Variants in TKFC observed in about 807,000 individuals in gnomAD.
TKFC encodes triokinase and FMN cyclase, also known as triokinase/FMN cyclase.
TKFC carries 46 observed loss-of-function variants against 61.0 expected under a neutral mutation model. The observed-to-expected ratio is 0.75, with a 90% CI of 0.60 to 0.96. TKFC has a LOEUF of 0.96. Among genes scored for constraint, TKFC ranks in the 50% least tolerant of loss-of-function variants. The pLI is 0.00. For missense variants in TKFC, 715 were observed against 777.5 expected (o/e 0.92, Z 0.96); for synonymous variants, 314 against 330.1 (o/e 0.95, Z 0.53).
rs377180702 is a variant in TKFC, at chr11:61,343,906, A to G, written c.1033A>G (p.Thr345Ala). ...GCCTAACGTGGCTGCAGTCTCCATT[A>G]CTGGGCGGAAGCGGAGCCGGGTAGC... is the stretch of plus-strand genomic sequence containing the variant. ...AWPNVAAVSI[T>A]GRKRSRVAPA... Residue 345 changes from threonine to alanine, a missense_variant, in exon 12 of 18, where the codon ACT becomes GCT. Transcript: ENST00000394900. 73 of 1,611,088 alleles carry G rather than the reference A, an allele frequency of 4.5e-5. No individual in the cohort carries two copies. The highest frequency in any genetic ancestry group is 8.8e-5 in the South Asian group (8 of 91,080).
chr11:61,348,440 C>G lies in TKFC; in HGVS notation c.*1937C>G, dbSNP rs1430802900. On this transcript the variant is annotated 3_prime_UTR_variant, in exon 18 of 18. Coordinates refer to ENST00000394900, the MANE Select transcript of TKFC (RefSeq NM_015533.4). ...TGTCCTGAGGCTTTTACAAATTGGC[C>G]CAGAACTCATTTAACCACAGCATCA... 1.0e-6 allele frequency: 1 copy of G among 985,184 alleles called. No homozygotes were observed. Among genetic ancestry groups the G allele is most frequent in the Non-Finnish European group, 1.2e-6 (1 of 829,934 alleles). 61.0% of individuals were successfully genotyped at this position (985,184 alleles called of 1,614,324 possible).
chr11:61,337,075 G>A (rs1441152757), intron 2 of TKFC, among the ~76,000 whole-genome samples: 1 of 152,152 alleles, frequency 6.6e-6, no homozygotes, highest in Non-Finnish European at 1.5e-5. Flanking sequence ...TGCGCTCCTC[G>A]TGTAGCAGTG....
At chr11:61,334,794 G>A (rs377582186) in intron 2 of TKFC, 63 bp downstream of exon 2, 21 of 1,612,438 alleles carry the variant, frequency 1.3e-5, no homozygotes, top group South Asian at 4.4e-5. Flanking sequence ...CCCAGCCTTG[G>A]GCAAGCTAAA....
chr11:61,338,249 C>A, intron 3 of TKFC, 119 bp downstream of exon 3: 1 of 965,840 alleles, frequency 1.0e-6, no homozygotes, highest in Non-Finnish European at 1.4e-6. Flanking sequence ...AACTGGGGTA[C>A]TTCCCACTCT....
At position 61,343,371 on chromosome 11, in the gene TKFC, C is replaced by T. The variant is rs1312460190; in HGVS notation, c.895C>T (p.Leu299=). 6 of 1,614,200 alleles carry T rather than the reference C, an allele frequency of 3.7e-6. No homozygotes were observed. The highest frequency in any genetic ancestry group is 1.1e-5 in the South Asian group (1 of 91,086). Residue 299 remains leucine, a synonymous_variant, in exon 11 of 18, where the codon CTG becomes TTG. Coordinates refer to ENST00000394900, the MANE Select transcript of TKFC (RefSeq NM_015533.4). The part of the protein sequence containing the change: ...EGRGVKIARA[L]VGTFMSALEM... ...CCGCGGGGTGAAGATTGCCCGTGCC[C>T]TGGTGGGCACCTTCATGTCAGCACT...
At chr11:61,343,740 C>T (rs1165294806) in intron 11 of TKFC, 116 bp from the exon 12 acceptor site, 2 of 1,455,208 alleles carry the variant, frequency 1.4e-6, no homozygotes, top group African/African-American at 1.4e-5. Context: ...GGTGGACTCC[C>T]TTCCTCCAGG....
downstream of TKFC, chr11:61,350,317 C>A: frequency 6.5e-7 from 1 of 1,547,714 alleles, no homozygotes; most frequent in Non-Finnish European, 8.8e-7. Context: ...TGAAACCAGC[C>A]GGGAGCCCTG....
In TKFC at chr11:61,348,622, T is replaced by A; in HGVS notation, c.*2119T>A. On this transcript the variant is annotated 3_prime_UTR_variant, in exon 18 of 18. Transcript: ENST00000394900. The stretch of plus-strand genomic sequence containing the variant: ...AGCCCCAGAGAGCTCTCACGCCCTT[T>A]CCACCATGTGAGGTTATGGTGAGAA... The A allele has an allele frequency of 2.0e-6, 1 of 488,046 alleles. No individual in the cohort carries two copies. The highest frequency in any genetic ancestry group is 2.7e-6 in the Non-Finnish European group (1 of 375,302). 30.2% of individuals were successfully genotyped at this position (488,046 alleles called of 1,614,324 possible).
rs1857078968 is a variant in TKFC, at chr11:61,345,512, C to T, written c.1398C>T (p.Thr466=). ...CTGCACAGCCCCTGAAGGCCAAGAC[C>T]AGCCTCCCAGCCTGGTCTGCTGCCA... ...TAAAQPLKAK[T]SLPAWSAAMD... is the part of the protein sequence containing the mutation. Residue 466 remains threonine, a synonymous_variant, in exon 15 of 18, where the codon ACC becomes ACT. Coordinates refer to ENST00000394900, the MANE Select transcript of TKFC (RefSeq NM_015533.4). The T allele has an allele frequency of 6.2e-7, 1 of 1,613,298 alleles. No homozygotes were observed. Among genetic ancestry groups the T allele is most frequent in the Non-Finnish European group, 8.5e-7 (1 of 1,180,022 alleles).
intron 11 of TKFC, 41 bp from the exon 12 acceptor site, chr11:61,343,815 C>T (rs1856979417): frequency 6.3e-7 from 1 of 1,585,528 alleles, no homozygotes; most frequent in African/African-American, 1.3e-5. Context: ...GAATCCCTGG[C>T]TGGACAGCCG....
intron 5 of TKFC, among the ~76,000 whole-genome samples, chr11:61,341,184 C>T (rs1260565401): frequency 6.6e-6 from 1 of 152,202 alleles, no homozygotes; most frequent in Non-Finnish European, 1.5e-5. Flanking sequence ...GTCACCGCCC[C>T]TCTCTGGGTC....
Position 61,341,833 on chromosome 11 carries a change from G to T in TKFC, c.576G>T (p.Gly192=). The change falls in exon 7 of 18, where the codon GGG becomes GGT. Residue 192 remains glycine, a synonymous_variant. Coordinates refer to ENST00000394900, the MANE Select transcript of TKFC (RefSeq NM_015533.4). ...CCTTGTTTCTCATAGGTACCCTGGG[G>T]GTGAGCTTATCCTCCTGCAGCGTCC... ...NVVAKAMGTL[G]VSLSSCSVPG... The T allele has an allele frequency of 6.2e-7, 1 of 1,613,938 alleles. No homozygotes were observed. The highest frequency in any genetic ancestry group is 8.5e-7 in the Non-Finnish European group (1 of 1,179,900).
chr11:61,339,595 C>T, intron 5 of TKFC, 160 bp downstream of exon 5: 3 of 801,764 alleles, frequency 3.7e-6, no homozygotes, highest in Non-Finnish European at 5.7e-6. Flanking sequence ...CCCTCAGCTA[C>T]CTAAGCCCAG....
Position 61,346,108 on chromosome 11 carries a change from G to A in TKFC, c.1575+162G>A. The A allele has an allele frequency of 8.7e-7, 1 of 1,153,466 alleles. No individual in the cohort carries two copies. Among genetic ancestry groups the A allele is most frequent in the Admixed American group, 2.7e-5 (1 of 37,726 alleles). 71.5% of individuals were successfully genotyped at this position (1,153,466 alleles called of 1,614,324 possible). A position where few individuals can be genotyped will look rare whatever the true frequency, so the allele number is the denominator to read the frequency against. ...TCTCAGAAGGTGGTTATGTGGCTAA[G>A]GAAATATGTAGAGCCCCGCACACTG... On this transcript the variant is annotated intron_variant, in intron 17 of 17. Transcript: ENST00000394900. The surrounding 1 kb of genome is among the most constrained non-coding windows in gnomAD (Gnocchi z 4.1).
intron 6 of TKFC, 146 bp downstream of exon 6, chr11:61,341,660 G>C: frequency 8.1e-7 from 1 of 1,228,332 alleles, no homozygotes; most frequent in Non-Finnish European, 1.2e-6. Flanking sequence ...GGAGCTCCTG[G>C]GGACTGGTGG....
chr11:61,340,646 G>A (rs1300611086), intron 5 of TKFC, among the ~76,000 whole-genome samples: 8 of 8,848 alleles, frequency 9.0e-4, no homozygotes, highest in African/African-American at 1.0e-3. Context: ...GAGCCACCGC[G>A]CCCGGCCCCT....
At position 61,338,028 on chromosome 11, in the gene TKFC, C is replaced by G; in HGVS notation, c.91C>G (p.Leu31Val). The change falls in exon 3 of 18, where the codon CTG (leucine) becomes GTG (valine). Residue 31 changes from leucine (L) to valine (V), a missense_variant. Physicochemically the swap from Leu to Val is conservative, Grantham distance 32 (BLOSUM62 1). Transcript: ENST00000394900. ...LVACNPNLQL[L>V]QGHRVALRSD... ...GGCCTGCAACCCCAACCTGCAGCTCCTGCAGGGCCACCGCGTGGCCCTCCG... is the reference window on the plus strand; with the variant it reads ...GGCCTGCAACCCCAACCTGCAGCTCGTGCAGGGCCACCGCGTGGCCCTCCG... The G allele has an allele frequency of 6.2e-7, 1 of 1,613,740 alleles. No individual in the cohort carries two copies. Among genetic ancestry groups the G allele is most frequent in the Non-Finnish European group, 8.5e-7 (1 of 1,179,928 alleles).
At position 61,344,250 on chromosome 11, in the gene TKFC, C is replaced by T. The variant is rs769371116; in HGVS notation, c.1217C>T (p.Thr406Ile). ...DRAAGDGDCGTTHSRAARAIQ... is the reference protein window; with the variant it reads ...DRAAGDGDCGITHSRAARAIQ... ...GCTGCTGGTGACGGCGACTGTGGCACCACCCACAGCCGTGCGGCCAGAGGT... is the reference window on the plus strand; with the variant it reads ...GCTGCTGGTGACGGCGACTGTGGCATCACCCACAGCCGTGCGGCCAGAGGT... The change falls in exon 13 of 18, where the codon ACC (threonine) becomes ATC (isoleucine). Residue 406 changes from threonine (T) to isoleucine (I), a missense_variant. Thr to Ile is a moderately conservative substitution (Grantham distance 89). Coordinates refer to ENST00000394900, the MANE Select transcript of TKFC (RefSeq NM_015533.4). The T allele has an allele frequency of 4.3e-6, 7 of 1,612,900 alleles. No homozygotes were observed. Among genetic ancestry groups the T allele is most frequent in the Non-Finnish European group, 5.9e-6 (7 of 1,179,962 alleles).
intron 11 of TKFC, 162 bp from the exon 12 acceptor site, chr11:61,343,694 C>CCT (rs1856974244): frequency 1.8e-6 from 2 of 1,119,626 alleles, no homozygotes; most frequent in Non-Finnish European, 2.6e-6. Context: ...TCTCCATACC[C>CCT]CTGTATACAG....
Sources: gnomAD v4.1 joint callset for allele counts (sites outside exome capture counted in the v4.1 genomes callset) on GRCh38, gnomAD v4.1.1 for gene constraint, Gnocchi (gnomAD v3.1) non-coding constraint, MANE v1.5 for transcripts, NCBI Gene and HGNC (gene_info 2026-07-23, HGNC 2026-07-21) for gene names.